HS6ST3: variants seen among roughly 807,000 people sequenced by gnomAD.
HS6ST3 encodes heparan-sulfate 6-O-sulfotransferase 3.
Under a neutral mutation model 36.7 loss-of-function variants are expected in HS6ST3, and 12 were observed. That is an observed-to-expected ratio of 0.33 (90% confidence interval 0.21 to 0.53). The LOEUF (loss-of-function observed/expected upper bound fraction) is 0.53. Ranked by LOEUF, HS6ST3 falls within the 20% of genes least tolerant of loss-of-function variation. HS6ST3 has a pLI of 0.95. For synonymous variants in HS6ST3, 240 were observed against 257.5 expected (o/e 0.93, Z 0.65); for missense variants, 584 against 640.9 (o/e 0.91, Z 0.96).
At chr13:96,779,483 T>C (rs1041399736) in intron 1 of HS6ST3, among the ~76,000 whole-genome samples, 1 of 152,032 alleles carries the variant, frequency 6.6e-6, no homozygotes. Context: ...GTGAATATAG[T>C]GCAAAAAATA....
intron 1 of HS6ST3, among the ~76,000 whole-genome samples, chr13:96,512,805 G>A (rs2056055650): frequency 6.6e-6 from 1 of 151,356 alleles, no homozygotes; most frequent in Admixed American, 6.6e-5. Flanking sequence ...TTTTTCTGTG[G>A]GTAATTATAT....
intron 1 of HS6ST3, among the ~76,000 whole-genome samples, chr13:96,731,107 ACT>A (rs1437818875): frequency 1.3e-5 from 2 of 152,164 alleles, no homozygotes; most frequent in African/African-American, 4.8e-5. Flanking sequence ...CTTAACATCC[ACT>A]CTGTTAGCAT....
At chr13:96,675,437 T>C (rs773642456) in intron 1 of HS6ST3, among the ~76,000 whole-genome samples, 6 of 152,142 alleles carry the variant, frequency 3.9e-5, no homozygotes, top group Non-Finnish European at 8.8e-5. Flanking sequence ...CAATTTTCAA[T>C]ATAAAAAGAT....
intron 1 of HS6ST3, among the ~76,000 whole-genome samples, chr13:96,309,853 A>G (rs1454956514): frequency 6.6e-6 from 1 of 152,180 alleles, no homozygotes; most frequent in Non-Finnish European, 1.5e-5. Flanking sequence ...TATAATAGGA[A>G]ACTTTACATG....
At chr13:96,380,529 G>A (rs1364642263) in intron 1 of HS6ST3, among the ~76,000 whole-genome samples, 2 of 152,076 alleles carry the variant, frequency 1.3e-5, no homozygotes, top group African/African-American at 4.8e-5. Flanking sequence ...GCCTCCCAAA[G>A]GGCTGGGATT....
intron 1 of HS6ST3, among the ~76,000 whole-genome samples, chr13:96,799,562 A>G (rs1877992308): frequency 6.8e-6 from 1 of 147,692 alleles, no homozygotes; most frequent in Non-Finnish European, 1.5e-5. Flanking sequence ...ATTCTCACTC[A>G]TAGGTGGGAA....
rs182726094 is a variant in HS6ST3 at position 96,133,596 on chromosome 13, T to C, written c.707+42027T>C. Among the ~76,000 whole-genome samples the C allele has an allele frequency of 3.7e-3, 559 of 152,054 alleles. 3 individuals are homozygous for C. Among genetic ancestry groups the C allele is most frequent in the African/African-American group, 0.013 (538 of 41,442 alleles). On this transcript the variant is annotated intron_variant, in intron 1 of 1. Transcript: ENST00000376705. ...CACCACCATGGCTGGCTGATTTTTG[T>C]ATTTTTAGTAGAATCGGGGTTTCGC...
At chr13:96,663,112 C>A (rs2056652148) in intron 1 of HS6ST3, among the ~76,000 whole-genome samples, 2 of 152,126 alleles carry the variant, frequency 1.3e-5, no homozygotes, top group African/African-American at 4.8e-5. Flanking sequence ...CAGGCACCAG[C>A]CCTGACAGGG....
At chr13:96,639,407 C>G (rs962049306) in intron 1 of HS6ST3, among the ~76,000 whole-genome samples, 1 of 151,792 alleles carries the variant, frequency 6.6e-6, no homozygotes, top group African/African-American at 2.4e-5. Context: ...TACTTCCAAC[C>G]TATTTGTGTC....
intron 1 of HS6ST3, among the ~76,000 whole-genome samples, chr13:96,662,351 G>C (rs1339810328): frequency 6.6e-6 from 1 of 152,052 alleles, no homozygotes; most frequent in Non-Finnish European, 1.5e-5. Context: ...CAAAAGACCT[G>C]TCTTCAATCT....
rs80041009 is a variant in HS6ST3 at position 96,814,400 on chromosome 13, C to G, written c.708-18090C>G. 3.9e-5 allele frequency among the ~76,000 whole-genome samples: 6 copies of G among 151,964 alleles called. No homozygotes were observed. The East Asian group carries it at 1.2e-3, about 29-fold the overall frequency. ...CAGAGTTCTGATGAGAAAATCGTGG[C>G]GAGTTGATTTTTATTCCATATATCT... On this transcript the variant is annotated intron_variant, in intron 1 of 1. Transcript: ENST00000376705.
At chr13:96,567,115 T>C (rs932726412) in intron 1 of HS6ST3, among the ~76,000 whole-genome samples, 3 of 150,942 alleles carry the variant, frequency 2.0e-5, no homozygotes, top group African/African-American at 7.2e-5. Context: ...CCATTTTCTC[T>C]TTTTTCTTTT....
chr13:96,249,351 A>G (rs1008267810), intron 1 of HS6ST3, among the ~76,000 whole-genome samples: 1 of 152,196 alleles, frequency 6.6e-6, no homozygotes, highest in African/African-American at 2.4e-5. Flanking sequence ...AACCTGAGAA[A>G]AAAGATTGAC....
intron 1 of HS6ST3, among the ~76,000 whole-genome samples, chr13:96,560,100 G>C (rs1213595284): frequency 6.6e-6 from 1 of 152,166 alleles, no homozygotes; most frequent in Non-Finnish European, 1.5e-5. Flanking sequence ...CTGAAGCTAT[G>C]TAAGCAACTA....
intron 1 of HS6ST3, among the ~76,000 whole-genome samples, chr13:96,475,601 C>A (rs559091393): frequency 7.6e-6 from 1 of 132,400 alleles, no homozygotes; most frequent in African/African-American, 3.0e-5. Context: ...CATTACCCAG[C>A]GGAGTACTAC....
chr13:96,117,002 G>A (rs2053897003), intron 1 of HS6ST3, among the ~76,000 whole-genome samples: 2 of 152,128 alleles, frequency 1.3e-5, no homozygotes, highest in South Asian at 4.1e-4. Flanking sequence ...ATAAACTTCA[G>A]AAAGTCACTA....
chr13:96,767,164 C>T lies in HS6ST3; in HGVS notation c.708-65326C>T, dbSNP rs184630904. Among the ~76,000 whole-genome samples the T allele has an allele frequency of 2.9e-3, 448 of 152,272 alleles. 1 individual carries two copies. The highest frequency in any genetic ancestry group is 9.9e-3 in the African/African-American group (412 of 41,556). On this transcript the variant is annotated intron_variant, in intron 1 of 1. Transcript: ENST00000376705. Reference sequence around the variant, plus strand: ...CCGTGATCTTTGTGTTTTATATCTACGACAGGACAATACTAGTAACATAGC... The same window carrying T: ...CCGTGATCTTTGTGTTTTATATCTATGACAGGACAATACTAGTAACATAGC...
intron 1 of HS6ST3, among the ~76,000 whole-genome samples, chr13:96,613,343 A>C (rs543960872): frequency 6.6e-6 from 1 of 152,224 alleles, no homozygotes; most frequent in Non-Finnish European, 1.5e-5. Flanking sequence ...CAGAGAGGTT[A>C]AATAAATTAC....
At chr13:96,441,027 G>T (rs1303350057) in intron 1 of HS6ST3, among the ~76,000 whole-genome samples, 1 of 152,106 alleles carries the variant, frequency 6.6e-6, no homozygotes, top group East Asian at 1.9e-4. Context: ...GAGCCCTATT[G>T]GGATTAGCAG....
Sources: gnomAD v4.1 joint callset for allele counts (sites outside exome capture counted in the v4.1 genomes callset) on GRCh38, gnomAD v4.1.1 for gene constraint, MANE v1.5 for transcripts, NCBI Gene and HGNC (gene_info 2026-07-23, HGNC 2026-07-21) for gene names.